AXIN1: variants seen among roughly 807,000 people sequenced by gnomAD.
AXIN1 encodes the protein axin 1.
Under a neutral mutation model 76.4 loss-of-function variants are expected in AXIN1, and 30 were observed. The observed-to-expected ratio is 0.39, with a 90% CI of 0.29 to 0.53. The LOEUF is 0.53. Ranked by LOEUF, AXIN1 falls within the 20% of genes least tolerant of loss-of-function variation. The pLI is 0.66. For missense variants in AXIN1, 1,140 were observed against 1,198.8 expected (o/e 0.95, Z 0.72); for synonymous variants, 545 against 501.4 (o/e 1.09, Z -1.16).
intron 3 of AXIN1, 141 bp downstream of exon 3, chr16:314,402 G>A: frequency 7.6e-7 from 1 of 1,307,914 alleles, no homozygotes. Flanking sequence ...GCAGCAGGGT[G>A]GGACTTACAC....
chr16:342,434 C>A (rs2053947131), intron 2 of AXIN1, among the ~76,000 whole-genome samples: 2 of 152,220 alleles, frequency 1.3e-5, no homozygotes. Context: ...CATCCCCTAA[C>A]ACGTGAGGCC....
At position 293,642 on chromosome 16, in the gene AXIN1, G is replaced by C. The variant is rs2141486529; in HGVS notation, c.2032C>G (p.Gln678Glu). The change falls in exon 8 of 11, where the codon CAG (glutamine) becomes GAG (glutamate). Residue 678 changes from glutamine (Q) to glutamate (E), a missense_variant. By Grantham distance (29) the Gln-to-Glu change is conservative. Coordinates refer to ENST00000262320, the MANE Select transcript of AXIN1 (RefSeq NM_003502.4). The surrounding 1 kb of genome is among the most constrained non-coding windows in gnomAD (Gnocchi z 4.6). ...LSLEHPWAGP[Q>E]LRTSVQPSHL... ...GAGGGCTGCACGGAGGTCCGGAGCT[G>C]AGGGCCGGCCCAGGGGTGCTCAAGG... 1.2e-6 allele frequency: 2 copies of C among 1,613,686 alleles called. No homozygotes were observed. The highest frequency in any genetic ancestry group is 1.7e-6 in the Non-Finnish European group (2 of 1,180,020).
Position 297,068 on chromosome 16 carries a change from C to T in AXIN1, c.1943G>A (p.Arg648Lys). The change falls in exon 7 of 11, where the codon AGG becomes AAG. Residue 648 changes from arginine to lysine, a missense_variant. This residue lies in a region of AXIN1 where 429 missense variants were observed against 405.8 expected (regional missense o/e 1.06). Transcript: ENST00000262320. ...GCGGGGTGCTCACCCGTGGCCGGTC[C>T]TGCGGTGCCTGCTGATCTCCTTTTC... ...EGEKEISRHR[R>K]TGHGSSGTRK... 1 of 1,611,592 alleles carries T rather than the reference C, an allele frequency of 6.2e-7. No individual in the cohort carries two copies. The highest frequency in any genetic ancestry group is 8.5e-7 in the Non-Finnish European group (1 of 1,179,920).
chr16:298,381 G>A lies in AXIN1; in HGVS notation c.1255-130C>T, dbSNP rs1013699280. On this transcript the variant is annotated intron_variant, in intron 5 of 10. Coordinates refer to ENST00000262320, the MANE Select transcript of AXIN1 (RefSeq NM_003502.4). ...AGCCCAGGGTGGCCGGGGGCCCCTC[G>A]CCACCGGTCCTGTCCCTGAGGATGG... The A allele has an allele frequency of 4.5e-5, 52 of 1,146,030 alleles. No individual in the cohort carries two copies. The South Asian group carries it at 5.4e-4, about 12-fold the overall frequency. The allele number at this position is 1,146,030 out of a possible 1,614,324, so 71.0% of individuals were successfully genotyped here.
chr16:352,390 C>G lies in AXIN1; in HGVS notation c.-103G>C, dbSNP rs1289560209. On this transcript the variant is annotated 5_prime_UTR_variant, in exon 1 of 11. Transcript: ENST00000262320. The stretch of plus-strand genomic sequence containing the variant: ...TCACCCGCGCGCGGTGGTGGCGGGA[C>G]CCCGGGCCCGGCTCCCGGAGCGGCG... 1 of 969,210 alleles carries G rather than the reference C, an allele frequency of 1.0e-6. No individual in the cohort carries two copies. The highest frequency in any genetic ancestry group is 1.2e-6 in the Non-Finnish European group (1 of 823,598). The allele number at this position is 969,210 out of a possible 1,614,324, so 60.0% of individuals were successfully genotyped here. A position where few individuals can be genotyped will look rare whatever the true frequency, so the allele number is the denominator to read the frequency against.
chr16:319,710 C>T (rs1339208014), intron 2 of AXIN1, among the ~76,000 whole-genome samples: 2 of 152,192 alleles, frequency 1.3e-5, no homozygotes, highest in African/African-American at 2.4e-5. Context: ...GCCACGGCAC[C>T]GGCTCTCTGG....
At position 298,337 on chromosome 16, in the gene AXIN1, C is replaced by A; in HGVS notation, c.1255-86G>T. 2.6e-6 allele frequency: 4 copies of A among 1,524,010 alleles called. No homozygotes were observed. In the South Asian group the frequency reaches 4.8e-5, roughly 18 times the overall value. 94.4% of individuals were successfully genotyped at this position (1,524,010 alleles called of 1,614,324 possible). The stretch of plus-strand genomic sequence containing the variant: ...AAAAGCATCAGGCCTGACCCAGCAG[C>A]CCCAGCAGATGCCGTCCCAGCCCAG... On this transcript the variant is annotated intron_variant, in intron 5 of 10. Transcript: ENST00000262320.
At chr16:312,362 A>G (rs1416810952) in intron 3 of AXIN1, among the ~76,000 whole-genome samples, 2 of 152,198 alleles carry the variant, frequency 1.3e-5, no homozygotes, top group African/African-American at 4.8e-5. Flanking sequence ...GATGAACAGA[A>G]TATCAAGAAA....
At chr16:345,418 T>C (rs1326775828) in intron 2 of AXIN1, among the ~76,000 whole-genome samples, 1 of 152,212 alleles carries the variant, frequency 6.6e-6, no homozygotes, top group Non-Finnish European at 1.5e-5. Context: ...AAGATCATTA[T>C]AAAAGCAATA....
chr16:349,944 A>G (rs945829039), intron 1 of AXIN1, among the ~76,000 whole-genome samples: 3 of 152,132 alleles, frequency 2.0e-5, no homozygotes, highest in Non-Finnish European at 2.9e-5. Flanking sequence ...GACTACAGGC[A>G]CGAGTCATCA....
chr16:340,607 G>A (rs1041212668), intron 2 of AXIN1, among the ~76,000 whole-genome samples: 2 of 152,196 alleles, frequency 1.3e-5, no homozygotes, highest in African/African-American at 2.4e-5. Flanking sequence ...GATCCACACC[G>A]CTGAAATGAC....
intron 2 of AXIN1, among the ~76,000 whole-genome samples, chr16:327,818 G>T (rs1402740039): frequency 6.6e-6 from 1 of 152,248 alleles, no homozygotes; most frequent in Non-Finnish European, 1.5e-5. Context: ...GGTGAGGCCA[G>T]GCACATGATG....
intron 1 of AXIN1, among the ~76,000 whole-genome samples, chr16:352,048 G>T (rs1308899175): frequency 6.6e-6 from 1 of 152,066 alleles, no homozygotes; most frequent in Non-Finnish European, 1.5e-5. Context: ...GGGCGGGCGG[G>T]AGTGTCCTCC....
At chr16:291,145 G>A (rs1342331270) in intron 9 of AXIN1, 45 bp downstream of exon 9, 16 of 1,539,370 alleles carry the variant, frequency 1.0e-5, no homozygotes, top group Non-Finnish European at 1.4e-5. Context: ...TGGGACGCCA[G>A]GGCTGGGGTG....
chr16:304,648 C>A (rs553224166), intron 4 of AXIN1, among the ~76,000 whole-genome samples: 1 of 152,168 alleles, frequency 6.6e-6, no homozygotes, highest in Admixed American at 6.5e-5. Context: ...GATTCTCCTG[C>A]CTCGGTCTCC....
At chr16:344,429 CAA>C (rs71139776) in intron 2 of AXIN1, among the ~76,000 whole-genome samples, 12 of 117,454 alleles carry the variant, frequency 1.0e-4, no homozygotes, top group African/African-American at 9.9e-5. Flanking sequence ...GACTCCATCT[CAA>C]AAAAAAAAAA....
intron 1 of AXIN1, 61 bp from the exon 2 acceptor site, chr16:347,167 G>C: frequency 1.4e-6 from 2 of 1,471,674 alleles, no homozygotes; most frequent in South Asian, 2.4e-5. Context: ...CACGACCAGA[G>C]GTTTTCTCAA....
At position 293,942 on chromosome 16, in the gene AXIN1, C is replaced by A. The variant is rs555550068; in HGVS notation, c.1956-224G>T. On this transcript the variant is annotated intron_variant, in intron 7 of 10. Coordinates refer to ENST00000262320, the MANE Select transcript of AXIN1 (RefSeq NM_003502.4). The surrounding 1 kb of genome is among the most constrained non-coding windows in gnomAD (Gnocchi z 4.6). ...CCTGTAATCCCAGCATTTCGGGAGG[C>A]CGAGGCGGGCAGATCACCAGAGGTC... Among the ~76,000 whole-genome samples the A allele has an allele frequency of 6.6e-6, 1 of 152,114 alleles. No homozygotes were observed. Among genetic ancestry groups the A allele is most frequent in the Non-Finnish European group, 1.5e-5 (1 of 68,016 alleles).
At chr16:322,077 C>G (rs976176756) in intron 2 of AXIN1, among the ~76,000 whole-genome samples, 2 of 152,194 alleles carry the variant, frequency 1.3e-5, no homozygotes, top group Non-Finnish European at 2.9e-5. Context: ...CGGAGGTGGC[C>G]GCACAGACCC....
Sources: gnomAD v4.1 joint callset for allele counts (sites outside exome capture counted in the v4.1 genomes callset) on GRCh38, gnomAD v4.1.1 for gene constraint, gnomAD v4.1.1 regional missense constraint, Gnocchi (gnomAD v3.1) non-coding constraint, MANE v1.5 for transcripts, NCBI Gene and HGNC (gene_info 2026-07-23, HGNC 2026-07-21) for gene names.